Variants in CCBE1 observed in about 807,000 individuals in gnomAD.
CCBE1 encodes the protein collagen and calcium binding EGF domains 1, also known as collagen and calcium-binding EGF domain-containing protein 1.
In CCBE1, 37 loss-of-function variants were observed where a neutral mutation model predicts 50.0. The ratio of observed to expected loss-of-function variants is 0.74; its 90% CI spans 0.57 to 0.97. CCBE1 has a LOEUF of 0.97. Among genes scored for constraint, CCBE1 ranks in the 50% least tolerant of loss-of-function variants. CCBE1 has a pLI of 0.00. For synonymous variants in CCBE1, 234 were observed against 203.7 expected, an observed-to-expected ratio of 1.15 and a Z score of -1.27; for missense variants, 538 against 523.8, an observed-to-expected ratio of 1.03 and a Z score of -0.26.
At chr18:59,477,319 G>A (rs685444) in intron 3 of CCBE1, among the ~76,000 whole-genome samples, 88,326 of 151,622 alleles carry the variant, frequency 0.58, 26,114 homozygotes, top group African/African-American at 0.68. Context: ...CAGGGCTAAC[G>A]TCTCAGATCC....
At chr18:59,568,605 G>A (rs904907618) in intron 2 of CCBE1, 2 of 152,210 alleles carry the variant, frequency 1.3e-5, no homozygotes, top group Non-Finnish European at 2.9e-5. Context: ...GCAACTTGGA[G>A]CTAGAAGATA....
At chr18:59,439,179 C>T (rs531109364) in intron 9 of CCBE1, among the ~76,000 whole-genome samples, 6 of 152,092 alleles carry the variant, frequency 3.9e-5, no homozygotes, top group Admixed American at 1.3e-4. Context: ...CCCAGCTACT[C>T]GGGAGGCTGA....
In CCBE1 at chr18:59,633,662, G is replaced by C. The variant is rs184508420; in HGVS notation, c.212+62967C>G. Among the ~76,000 whole-genome samples the C allele has an allele frequency of 5.9e-4, 90 of 151,860 alleles. 2 individuals are homozygous for C. In the East Asian group the frequency reaches 9.7e-3, roughly 16 times the overall value. On this transcript the variant is annotated intron_variant, in intron 2 of 10. Transcript: ENST00000439986. ...GAGAGAACTGTCTACATTGTTAAGA[G>C]GTCAAATAGCCAACAGAACGAAGCC...
At chr18:59,530,708 C>G (rs1915015403) in intron 2 of CCBE1, among the ~76,000 whole-genome samples, 1 of 152,202 alleles carries the variant, frequency 6.6e-6, no homozygotes, top group African/African-American at 2.4e-5. Flanking sequence ...TCTGGAAAAT[C>G]TGGCTTTAGC....
intron 2 of CCBE1, among the ~76,000 whole-genome samples, chr18:59,675,805 A>G (rs556948845): frequency 1.9e-4 from 29 of 152,340 alleles, no homozygotes; most frequent in African/African-American, 6.0e-4. Context: ...GGAGGTATAC[A>G]TCAGACCTAG....
intron 2 of CCBE1, among the ~76,000 whole-genome samples, chr18:59,536,722 G>C (rs952423976): frequency 1.3e-5 from 2 of 152,128 alleles, no homozygotes; most frequent in African/African-American, 4.8e-5. Context: ...GGGCGCAATG[G>C]CTGACATCTG....
At chr18:59,674,220 C>T (rs1310976744) in intron 2 of CCBE1, among the ~76,000 whole-genome samples, 3 of 152,134 alleles carry the variant, frequency 2.0e-5, no homozygotes, top group Non-Finnish European at 2.9e-5. Flanking sequence ...GACTTGGAAC[C>T]AACCCAAATG....
At chr18:59,641,012 C>T (rs148070692) in intron 2 of CCBE1, among the ~76,000 whole-genome samples, 50 of 152,308 alleles carry the variant, frequency 3.3e-4, no homozygotes, top group African/African-American at 1.2e-3. Flanking sequence ...AAAGGGAACG[C>T]TCCTACACTG....
rs528846847 is a variant in CCBE1 at position 59,651,414 on chromosome 18, G to A, written c.212+45215C>T. Among the ~76,000 whole-genome samples the A allele has an allele frequency of 6.6e-5, 10 of 152,280 alleles. No homozygotes were observed. The South Asian group carries it at 1.5e-3, about 22-fold the overall frequency. On this transcript the variant is annotated intron_variant, in intron 2 of 10. Coordinates refer to ENST00000439986, the MANE Select transcript of CCBE1 (RefSeq NM_133459.4). ...ACCTTTTTGGGACAGGTTTTTAAAC[G>A]AGACTGCATGCCAAACGCTGGTTCA...
chr18:59,464,853 T>G (rs1911665575), intron 5 of CCBE1: 1 of 152,202 alleles, frequency 6.6e-6, no homozygotes, highest in Non-Finnish European at 1.5e-5. Flanking sequence ...ACAGCTCTGG[T>G]TTTTTCATCT....
chr18:59,697,083 C>T (rs2054817958), intron 1 of CCBE1, 129 bp downstream of exon 1: 1 of 1,306,998 alleles, frequency 7.7e-7, no homozygotes, highest in Non-Finnish European at 1.1e-6. Flanking sequence ...GAGCACTCTC[C>T]TTATCCCCGG....
At chr18:59,520,611 C>CAT (rs1568184225) in intron 2 of CCBE1, among the ~76,000 whole-genome samples, 3 of 152,224 alleles carry the variant, frequency 2.0e-5, no homozygotes, top group Non-Finnish European at 2.9e-5. Flanking sequence ...TGCTCATGTG[C>CAT]GCCTGCACAC....
At chr18:59,465,909 G>C (rs1911718802) in intron 5 of CCBE1, among the ~76,000 whole-genome samples, 1 of 152,010 alleles carries the variant, frequency 6.6e-6, no homozygotes, top group African/African-American at 2.4e-5. Flanking sequence ...CAGCTTGGTG[G>C]AGAGCTTCCT....
intron 2 of CCBE1, among the ~76,000 whole-genome samples, chr18:59,559,155 G>A (rs534411086): frequency 1.4e-4 from 22 of 152,102 alleles, no homozygotes; most frequent in Non-Finnish European, 1.2e-4. Context: ...GGAAATATGG[G>A]AGGCAGTAGA....
chr18:59,514,724 GC>G (rs1300369896), intron 2 of CCBE1, among the ~76,000 whole-genome samples: 1 of 144,336 alleles, frequency 6.9e-6, no homozygotes, highest in Non-Finnish European at 1.5e-5. Flanking sequence ...CTTCATCCTT[GC>G]CCCAGAGTAC....
At chr18:59,583,676 TGTGTGCGCGCGCGC>T (rs1300844180) in intron 2 of CCBE1, among the ~76,000 whole-genome samples, 3 of 68,886 alleles carry the variant, frequency 4.4e-5, no homozygotes, top group East Asian at 7.0e-4. Context: ...TGTGTGTGTG[TGTGTGCGCGCGCGC>T]GCGCGCGCGC....
intron 5 of CCBE1, among the ~76,000 whole-genome samples, chr18:59,455,534 G>T (rs1313794257): frequency 6.6e-6 from 1 of 152,206 alleles, no homozygotes; most frequent in African/African-American, 2.4e-5. Flanking sequence ...CCCAACCACT[G>T]CAAAGGGTCC....
intron 5 of CCBE1, among the ~76,000 whole-genome samples, chr18:59,456,968 TC>T (rs1255706571): frequency 2.0e-5 from 3 of 152,180 alleles, no homozygotes; most frequent in Non-Finnish European, 4.4e-5. Flanking sequence ...TACACATTTC[TC>T]AAGCCAGCAG....
At chr18:59,678,899 T>C (rs1211288858) in intron 2 of CCBE1, among the ~76,000 whole-genome samples, 1 of 152,114 alleles carries the variant, frequency 6.6e-6, no homozygotes, top group Non-Finnish European at 1.5e-5. Flanking sequence ...ACAAAAAAAA[T>C]AGTCAAAGTA....
Sources: gnomAD v4.1 joint callset for allele counts (sites outside exome capture counted in the v4.1 genomes callset) on GRCh38, gnomAD v4.1.1 for gene constraint, MANE v1.5 for transcripts, NCBI Gene and HGNC (gene_info 2026-07-23, HGNC 2026-07-21) for gene names.